The following HMCN1 variants were observed in gnomAD, a reference collection of about 807,000 sequenced individuals.
HMCN1 encodes hemicentin-1.
HMCN1 carries 321 observed loss-of-function variants against 625.9 expected under a neutral mutation model. The ratio of observed to expected loss-of-function variants is 0.51; its 90% CI spans 0.47 to 0.56. The LOEUF (loss-of-function observed/expected upper bound fraction) is 0.56, where lower values mean the gene tolerates loss of function less well. Among genes scored for constraint, HMCN1 ranks in the 20% least tolerant of loss-of-function variants. The pLI is 0.00. For missense variants in HMCN1, 6,588 were observed against 6,887.3 expected, an observed-to-expected ratio of 0.96 and a Z score of 1.54; for synonymous variants, 2,425 against 2,417.6, an observed-to-expected ratio of 1.00 and a Z score of -0.09.
intron 1 of HMCN1, among the ~76,000 whole-genome samples, chr1:185,794,843 A>C (rs1658259616): frequency 6.6e-6 from 1 of 152,162 alleles, no homozygotes; most frequent in Non-Finnish European, 1.5e-5. Context: ...TTGTGATAAT[A>C]TTCCCAAAAT....
intron 1 of HMCN1, among the ~76,000 whole-genome samples, chr1:185,803,188 C>CAAAAAAAAAAAAAAAACAAAAAAAAAAA (rs1245942461): frequency 1.2e-4 from 4 of 33,842 alleles, no homozygotes; most frequent in Non-Finnish European, 4.3e-4. Context: ...TTAGCAGAAC[C>CAAAAAAAAAAAAAAAACAAAAAAAAAAA]AAAAAAAAAA....
intron 11 of HMCN1, among the ~76,000 whole-genome samples, chr1:185,958,775 C>T (rs181290936): frequency 1.3e-5 from 2 of 152,182 alleles, no homozygotes; most frequent in East Asian, 3.9e-4. Flanking sequence ...AGTGACTAGG[C>T]AAATTATTTA....
rs765345975 is a variant in HMCN1, at chr1:186,125,710, G to GA, written c.12612dup (p.Asp4205ArgfsTer7). On this transcript the variant is annotated frameshift_variant, in exon 82 of 107. Coordinates refer to ENST00000271588, the MANE Select transcript of HMCN1 (RefSeq NM_031935.3). LOFTEE classifies it high-confidence loss of function. ...GAATCCCCACACCAGCAATTAACTGGAAAAAAGACAATGTTCTTTTAGCTA... is the reference window on the plus strand; with the variant it reads ...GAATCCCCACACCAGCAATTAACTGGAAAAAAAGACAATGTTCTTTTAGCTA... The GA allele has an allele frequency of 6.2e-7, 1 of 1,613,102 alleles. No homozygotes were observed. Among genetic ancestry groups the GA allele is most frequent in the Non-Finnish European group, 8.5e-7 (1 of 1,179,358 alleles).
chr1:186,012,458 C>T (rs554027869), intron 30 of HMCN1, among the ~76,000 whole-genome samples: 5 of 151,354 alleles, frequency 3.3e-5, no homozygotes, highest in Non-Finnish European at 7.4e-5. Context: ...TGAGCAGTGT[C>T]AGTAACATCT....
At chr1:185,939,023 C>T (rs1242476042) in intron 11 of HMCN1, among the ~76,000 whole-genome samples, 2 of 152,080 alleles carry the variant, frequency 1.3e-5, no homozygotes, top group Non-Finnish European at 2.9e-5. Flanking sequence ...AAATACCAAA[C>T]ATATAGCTTT....
chr1:185,932,066 T>A (rs1241064679), intron 10 of HMCN1, among the ~76,000 whole-genome samples: 1 of 152,210 alleles, frequency 6.6e-6, no homozygotes, highest in Non-Finnish European at 1.5e-5. Flanking sequence ...TGTATTTGTA[T>A]CTTAAATTCA....
At chr1:185,954,872 A>C (rs1161498549) in intron 11 of HMCN1, among the ~76,000 whole-genome samples, 1 of 152,208 alleles carries the variant, frequency 6.6e-6, no homozygotes, top group East Asian at 1.9e-4. Flanking sequence ...ATGTATGTCC[A>C]TAATGGGAGA....
intron 88 of HMCN1, 65 bp downstream of exon 88, chr1:186,137,733 T>A: frequency 6.2e-7 from 1 of 1,613,848 alleles, no homozygotes. Context: ...CTTCTACCTA[T>A]GGATTGCCCC....
chr1:185,993,500 T>G (rs1571680936), intron 23 of HMCN1, 191 bp downstream of exon 23: 3 of 572,240 alleles, frequency 5.2e-6, no homozygotes, highest in East Asian at 3.3e-5. Context: ...ATAAACAATC[T>G]TCTGTTTCTT....
chr1:185,806,530 GAGTA>G (rs1246362204), intron 1 of HMCN1, among the ~76,000 whole-genome samples: 2 of 114,076 alleles, frequency 1.8e-5, no homozygotes, highest in African/African-American at 3.4e-5. Flanking sequence ...CTGGGCAACA[GAGTA>G]AGACCCTGTC....
At chr1:185,902,532 T>C (rs1421523329) in intron 4 of HMCN1, among the ~76,000 whole-genome samples, 5 of 151,698 alleles carry the variant, frequency 3.3e-5, no homozygotes, top group African/African-American at 1.2e-4. Context: ...TTCAAATATA[T>C]GTGCAATAGT....
intron 63 of HMCN1, among the ~76,000 whole-genome samples, chr1:186,090,081 G>C (rs1173501346): frequency 6.6e-6 from 1 of 151,812 alleles, no homozygotes; most frequent in Non-Finnish European, 1.5e-5. Flanking sequence ...TTTGCGACCT[G>C]GTGTGAACTA....
chr1:185,742,888 A>G (rs1021132227), intron 1 of HMCN1, among the ~76,000 whole-genome samples: 2 of 152,208 alleles, frequency 1.3e-5, no homozygotes, highest in Non-Finnish European at 2.9e-5. Flanking sequence ...TTAAAGTATA[A>G]GGACCAAAGT....
chr1:185,832,980 A>G (rs1325255067), intron 1 of HMCN1, among the ~76,000 whole-genome samples: 1 of 152,216 alleles, frequency 6.6e-6, no homozygotes, highest in African/African-American at 2.4e-5. Flanking sequence ...TTCAATAGAT[A>G]TCTTCCATTG....
intron 100 of HMCN1, among the ~76,000 whole-genome samples, chr1:186,170,678 G>A (rs1408028235): frequency 6.6e-6 from 1 of 152,050 alleles, no homozygotes; most frequent in Non-Finnish European, 1.5e-5. Flanking sequence ...TCAAATAGGG[G>A]GACTTTTCTT....
chr1:185,754,169 G>A (rs962035802), intron 1 of HMCN1, among the ~76,000 whole-genome samples: 5 of 152,168 alleles, frequency 3.3e-5, no homozygotes, highest in African/African-American at 1.2e-4. Context: ...GGCACAGAAA[G>A]ACAAATATGA....
chr1:185,881,192 C>A (rs749318037), intron 4 of HMCN1, among the ~76,000 whole-genome samples: 3 of 152,232 alleles, frequency 2.0e-5, no homozygotes. Context: ...CATATTTGCA[C>A]TCATGGCTCC....
At chr1:185,839,395 G>T (rs1661351447) in intron 1 of HMCN1, among the ~76,000 whole-genome samples, 1 of 152,058 alleles carries the variant, frequency 6.6e-6, no homozygotes, top group Non-Finnish European at 1.5e-5. Context: ...TGCTTTCAGG[G>T]TACCTTGAGA....
At chr1:185,845,878 A>G in intron 1 of HMCN1, 148 bp from the exon 2 acceptor site, 1 of 648,658 alleles carries the variant, frequency 1.5e-6, no homozygotes, top group East Asian at 2.8e-5. Context: ...TCTGGTAGCT[A>G]CAAATTGAGA....
Sources: allele counts gnomAD v4.1 joint callset (sites outside exome capture counted in the v4.1 genomes callset), GRCh38; gene constraint gnomAD v4.1.1; transcripts MANE v1.5; gene names NCBI Gene and HGNC (gene_info 2026-07-23, HGNC 2026-07-21).